ZDHHC14: variants seen among roughly 807,000 people sequenced by gnomAD.
ZDHHC14 encodes the protein zDHHC palmitoyltransferase 14.
In ZDHHC14, 16 loss-of-function variants were observed where a neutral mutation model predicts 47.7. The observed-to-expected ratio is 0.34, with a 90% confidence interval of 0.23 to 0.51. The LOEUF is 0.51. Ranked by LOEUF, ZDHHC14 falls within the 20% of genes least tolerant of loss-of-function variation. The pLI is 0.97. For synonymous variants in ZDHHC14, 293 were observed against 278.9 expected (o/e 1.05, Z -0.50); for missense variants, 515 against 662.5 (o/e 0.78, Z 2.44).
intron 3 of ZDHHC14, among the ~76,000 whole-genome samples, chr6:157,604,839 C>T (rs935876626): frequency 6.6e-6 from 1 of 152,162 alleles, no homozygotes; most frequent in Non-Finnish European, 1.5e-5. Flanking sequence ...CCACCATGCC[C>T]AGCCCTACAC....
chr6:157,599,432 G>A (rs1784258909), intron 3 of ZDHHC14, among the ~76,000 whole-genome samples: 1 of 152,224 alleles, frequency 6.6e-6, no homozygotes, highest in Admixed American at 6.5e-5. Flanking sequence ...TCAGACACCT[G>A]GGTGGGAGCC....
chr6:157,533,463 G>A (rs1781436280), intron 1 of ZDHHC14, among the ~76,000 whole-genome samples: 2 of 152,192 alleles, frequency 1.3e-5, no homozygotes, highest in African/African-American at 4.8e-5. Context: ...TGATATTTGA[G>A]CAAAGGCTGG....
At chr6:157,519,588 C>T (rs896115390) in intron 1 of ZDHHC14, among the ~76,000 whole-genome samples, 6 of 152,132 alleles carry the variant, frequency 3.9e-5, no homozygotes, top group Non-Finnish European at 7.4e-5. Context: ...GCAACTTAGA[C>T]GGATCCACTG....
At chr6:157,610,357 G>A (rs916416340) in intron 3 of ZDHHC14, among the ~76,000 whole-genome samples, 11 of 152,126 alleles carry the variant, frequency 7.2e-5, no homozygotes, top group African/African-American at 2.4e-4. Flanking sequence ...GCGTGAACCC[G>A]GGAGGCGGAG....
intron 5 of ZDHHC14, 64 bp from the exon 6 acceptor site, chr6:157,645,673 G>A: frequency 1.5e-6 from 2 of 1,365,736 alleles, no homozygotes; most frequent in African/African-American, 1.4e-5. Flanking sequence ...TCGGTTCCAG[G>A]CCTCCATCAC....
At chr6:157,406,055 T>C (rs1777753224) in intron 1 of ZDHHC14, among the ~76,000 whole-genome samples, 1 of 152,216 alleles carries the variant, frequency 6.6e-6, no homozygotes, top group East Asian at 1.9e-4. Flanking sequence ...CTTGTCCTTT[T>C]GAGGGCATGC....
chr6:157,674,690 GA>G lies in ZDHHC14; in HGVS notation c.*1569del, dbSNP rs1778941333. ...GAAAAAGGCTATTACTCCTGAGAAA[GA>G]GTTGCCATTTTATATAAAAGAAAAG... On this transcript the variant is annotated 3_prime_UTR_variant, in exon 9 of 9. Coordinates refer to ENST00000359775, the MANE Select transcript of ZDHHC14 (RefSeq NM_024630.3). 1 of 152,214 alleles carries G rather than the reference GA, an allele frequency of 6.6e-6. No homozygotes were observed. Among genetic ancestry groups the G allele is most frequent in the Non-Finnish European group, 1.5e-5 (1 of 68,040 alleles). 9.4% of individuals were successfully genotyped at this position (152,214 alleles called of 1,614,324 possible). A position where few individuals can be genotyped will look rare whatever the true frequency, so the allele number is the denominator to read the frequency against.
At chr6:157,543,315 A>G (rs1248727011) in intron 2 of ZDHHC14, among the ~76,000 whole-genome samples, 1 of 151,872 alleles carries the variant, frequency 6.6e-6, no homozygotes, top group Admixed American at 6.6e-5. Context: ...ATATTAAAAC[A>G]GATCCTAATC....
chr6:157,675,718 C>T lies in ZDHHC14; in HGVS notation c.*2596C>T, dbSNP rs1048403387. 2.6e-5 allele frequency: 4 copies of T among 152,208 alleles called. No homozygotes were observed. Among genetic ancestry groups the T allele is most frequent in the Non-Finnish European group, 5.9e-5 (4 of 68,032 alleles). The allele number at this position is 152,208 out of a possible 1,614,324, so 9.4% of individuals were successfully genotyped here. A position where few individuals can be genotyped will look rare whatever the true frequency, so the allele number is the denominator to read the frequency against. On this transcript the variant is annotated 3_prime_UTR_variant, in exon 9 of 9. Transcript: ENST00000359775. ...CTCACCTGGCGAGGTGATGGCTCTG[C>T]ATTTCCCACGAACATATATGTGACA...
chr6:157,401,977 G>A (rs1450156707), intron 1 of ZDHHC14, among the ~76,000 whole-genome samples: 2 of 150,508 alleles, frequency 1.3e-5, no homozygotes, highest in Non-Finnish European at 3.0e-5. Flanking sequence ...CACCTGCTGA[G>A]GTCATAACTG....
intron 3 of ZDHHC14, among the ~76,000 whole-genome samples, chr6:157,610,264 C>T (rs1048513533): frequency 1.3e-5 from 2 of 152,116 alleles, no homozygotes; most frequent in African/African-American, 4.8e-5. Flanking sequence ...AACCTCGTCT[C>T]TACTAAAAAT....
chr6:157,400,198 C>G (rs1777605568), intron 1 of ZDHHC14, among the ~76,000 whole-genome samples: 1 of 152,192 alleles, frequency 6.6e-6, no homozygotes, highest in African/African-American at 2.4e-5. Flanking sequence ...CACTCACAGA[C>G]AGTGGGACAG....
chr6:157,633,843 G>A (rs1776835818), intron 5 of ZDHHC14, among the ~76,000 whole-genome samples: 1 of 152,084 alleles, frequency 6.6e-6, no homozygotes, highest in Non-Finnish European at 1.5e-5. Flanking sequence ...AGTAGAGACG[G>A]GGTTTCACCA....
chr6:157,387,045 G>A (rs1583601660), intron 1 of ZDHHC14, among the ~76,000 whole-genome samples: 3 of 152,164 alleles, frequency 2.0e-5, no homozygotes, highest in African/African-American at 4.8e-5. Flanking sequence ...CTGGGTCTCC[G>A]CATTCTACAC....
At chr6:157,397,316 T>C (rs757990912) in intron 1 of ZDHHC14, among the ~76,000 whole-genome samples, 5 of 152,252 alleles carry the variant, frequency 3.3e-5, no homozygotes, top group Admixed American at 1.3e-4. Flanking sequence ...ACAACACAGA[T>C]TGATTATCTT....
intron 1 of ZDHHC14, among the ~76,000 whole-genome samples, chr6:157,407,061 C>G (rs1777779783): frequency 6.6e-6 from 1 of 152,208 alleles, no homozygotes; most frequent in South Asian, 2.1e-4. Context: ...GTAATGGACA[C>G]ACATTATGGG....
intron 1 of ZDHHC14, among the ~76,000 whole-genome samples, chr6:157,426,347 G>A (rs1423589074): frequency 6.6e-6 from 1 of 152,190 alleles, no homozygotes; most frequent in African/African-American, 2.4e-5. Context: ...ATTCCAAGAA[G>A]AGAGGCAATT....
chr6:157,645,637 G>T, intron 5 of ZDHHC14, 100 bp from the exon 6 acceptor site: 1 of 870,410 alleles, frequency 1.1e-6, no homozygotes, highest in East Asian at 2.7e-5. Flanking sequence ...CCAGCAACTA[G>T]AGAGAGGCCT....
At chr6:157,616,959 C>T (rs902896716) in intron 3 of ZDHHC14, among the ~76,000 whole-genome samples, 2 of 152,134 alleles carry the variant, frequency 1.3e-5, no homozygotes, top group African/African-American at 2.4e-5. Flanking sequence ...GATTATGGAC[C>T]ATCAGAGCAG....
Sources: gnomAD v4.1 joint callset for allele counts (sites outside exome capture counted in the v4.1 genomes callset) on GRCh38, gnomAD v4.1.1 for gene constraint, MANE v1.5 for transcripts, NCBI Gene and HGNC (gene_info 2026-07-23, HGNC 2026-07-21) for gene names.